The following THBS1 variants were observed in gnomAD, a reference collection of about 807,000 sequenced individuals.
The protein encoded by THBS1 is thrombospondin-1.
A neutral mutation model predicts 126.1 loss-of-function variants in THBS1; 29 were observed. That is an observed-to-expected ratio of 0.23 (90% confidence interval 0.17 to 0.31). THBS1 has a LOEUF of 0.31. Ranked by LOEUF, THBS1 falls within the 10% of genes least tolerant of loss-of-function variation. The probability of loss-of-function intolerance (pLI) is 1.00; values close to 1 mark genes in which losing one functional copy is unlikely to be tolerated. For synonymous variants in THBS1, 496 were observed against 577.8 expected (o/e 0.86, Z 2.03); for missense variants, 1,198 against 1,545.2 (o/e 0.78, Z 3.77).
In THBS1 at chr15:39,588,661, C is replaced by T. The variant is rs1336374196; in HGVS notation, c.1607C>T (p.Thr536Ile). 1 of 1,601,550 alleles carries T rather than the reference C, an allele frequency of 6.2e-7. No individual in the cohort carries two copies. The highest frequency in any genetic ancestry group is 8.5e-7 in the Non-Finnish European group (1 of 1,175,232). The change falls in exon 10 of 22, where the codon ACA becomes ATA. Residue 536 changes from threonine (T) to isoleucine (I), a missense_variant. Around this residue, in one of 4 missense-constraint regions of THBS1, gnomAD observed 663 missense variants for 860.1 expected, o/e 0.77. Transcript: ENST00000260356. Reference protein sequence around the residue: ...FGGKDCVGDVTENQICNKQDC... With the variant: ...FGGKDCVGDVIENQICNKQDC... ...GGCAAGGACTGCGTTGGTGATGTAA[C>T]AGAAAACCAGATCTGCAACAAGCAG... is the stretch of plus-strand genomic sequence containing the variant.
rs529938445 is a variant in THBS1 at position 39,598,654 on chromosome 15, G to C, written c.*3285G>C. 6.6e-6 allele frequency: 1 copy of C among 152,248 alleles called. No homozygotes were observed. Among genetic ancestry groups the C allele is most frequent in the African/African-American group, 2.4e-5 (1 of 41,546 alleles). The allele number at this position is 152,248 out of a possible 1,614,324, so 9.4% of individuals were successfully genotyped here. ...CCTAAGACTGACCTTCAAATAATCA[G>C]GTTGTACTGAAATAAAGGACTTGTT... is the stretch of plus-strand genomic sequence containing the variant. On this transcript the variant is annotated 3_prime_UTR_variant, in exon 22 of 22. Coordinates refer to ENST00000260356, the MANE Select transcript of THBS1 (RefSeq NM_003246.4).
rs1439161063 is a variant in THBS1, at chr15:39,592,595, G to A, written c.2560G>A (p.Asp854Asn). 1.9e-6 allele frequency: 3 copies of A among 1,613,702 alleles called. No homozygotes were observed. Among genetic ancestry groups the A allele is most frequent in the Non-Finnish European group, 2.5e-6 (3 of 1,179,918 alleles). Residue 854 changes from aspartate to asparagine, a missense_variant, in exon 17 of 22, where the codon GAT becomes AAT. Coordinates refer to ENST00000260356, the MANE Select transcript of THBS1 (RefSeq NM_003246.4). The surrounding 1 kb of genome is among the most constrained non-coding windows in gnomAD (Gnocchi z 4.3). ...QLDSDSDRIG[D>N]TCDNNQDIDE... is the part of the protein sequence containing the mutation. The stretch of plus-strand genomic sequence containing the variant: ...GGACTCTGACTCAGACCGCATTGGA[G>A]ATACCTGTGACAACAATCAGGATAT...
intron 15 of THBS1, 67 bp downstream of exon 15, chr15:39,591,417 C>T (rs1890326278): frequency 9.4e-6 from 15 of 1,599,304 alleles, no homozygotes; most frequent in African/African-American, 1.3e-5. Flanking sequence ...AAACGTACTT[C>T]TGTCTAGTCC....
At chr15:39,591,151 A>C in intron 14 of THBS1, 40 bp from the exon 15 acceptor site, 1 of 1,599,506 alleles carries the variant, frequency 6.3e-7, no homozygotes, top group Non-Finnish European at 8.5e-7. Context: ...GCTGTTTTCA[A>C]GGACAACATT....
At chr15:39,583,562 CCCCAT>C in intron 3 of THBS1, 50 bp from the exon 4 acceptor site, 27 of 632,628 alleles carry the variant, frequency 4.3e-5, no homozygotes, top group East Asian at 1.5e-4. Context: ...TCTCCCCCAA[CCCCAT>C]CCCCACCCCG....
In THBS1 at chr15:39,595,578, A is replaced by G; in HGVS notation, c.*209A>G. On this transcript the variant is annotated 3_prime_UTR_variant, in exon 22 of 22. Coordinates refer to ENST00000260356, the MANE Select transcript of THBS1 (RefSeq NM_003246.4). The stretch of plus-strand genomic sequence containing the variant: ...ACTCAGCATTCAGCCTCCAATGAAT[A>G]AGACATCTTCCAAGCATATAAACAA... 1.6e-6 allele frequency: 1 copy of G among 634,542 alleles called. No homozygotes were observed. Among genetic ancestry groups the G allele is most frequent in the South Asian group, 1.8e-5 (1 of 54,758 alleles). 39.3% of individuals were successfully genotyped at this position (634,542 alleles called of 1,614,324 possible).
chr15:39,592,878 T>C lies in THBS1; in HGVS notation c.2767+76T>C. 6.4e-7 allele frequency: 1 copy of C among 1,557,282 alleles called. No homozygotes were observed. The highest frequency in any genetic ancestry group is 8.8e-7 in the Non-Finnish European group (1 of 1,140,330). ...TAGATTGAAGAAATGAAACCAAGGC[T>C]CAAAGCATTTGACAGGATGAAGGGA... On this transcript the variant is annotated intron_variant, in intron 17 of 21. Coordinates refer to ENST00000260356, the MANE Select transcript of THBS1 (RefSeq NM_003246.4). This position sits in a 1 kb window ranked among gnomAD's most constrained non-coding sequence, Gnocchi z 4.3.
chr15:39,581,513 C>G (rs1268038869), intron 1 of THBS1, among the ~76,000 whole-genome samples: 4 of 121,328 alleles, frequency 3.3e-5, no homozygotes, highest in African/African-American at 1.9e-4. Flanking sequence ...AGAGTCTGTA[C>G]TTCCCCTGCC....
chr15:39,581,670 T>A (rs372467292), intron 1 of THBS1, 159 bp from the exon 2 acceptor site: 22 of 416,424 alleles, frequency 5.3e-5, no homozygotes, highest in East Asian at 6.8e-5. Context: ...CTCTCTCTCA[T>A]GCTCTCTGGA....
rs769307961 is a variant in THBS1 at position 39,591,550 on chromosome 15, A to G, written c.2459A>G (p.Asp820Gly). ...RDNCQYVYNV[D>G]QRDTDMDGVG... ...AACTGCCAGTACGTCTACAATGTGG[A>G]CCAGAGAGACACTGATATGGATGGG... The change falls in exon 16 of 22, where the codon GAC becomes GGC. Residue 820 changes from aspartate (D) to glycine (G), a missense_variant. By Grantham distance (94) the Asp-to-Gly change is moderately conservative. Transcript: ENST00000260356. The G allele has an allele frequency of 2.8e-5, 46 of 1,614,064 alleles. No individual in the cohort carries two copies. The highest frequency in any genetic ancestry group is 3.9e-5 in the Non-Finnish European group (46 of 1,180,038).
chr15:39,583,466 C>T, intron 3 of THBS1, 151 bp from the exon 4 acceptor site: 1 of 562,938 alleles, frequency 1.8e-6, no homozygotes, highest in Non-Finnish European at 3.1e-6. Context: ...ATTAATGTTG[C>T]TGTGTTATTT....
Position 39,589,345 on chromosome 15 carries a change from C to T in THBS1, c.1917C>T (p.Ala639=), listed in dbSNP as rs780736236. ...PFGQGVEHAT[A]NKQVCKPRNP... is the part of the protein sequence containing the mutation. ...GCCAGGGTGTCGAACATGCCACGGC[C>T]AACAAACAGGTACAGTCAACTAGAC... The change falls in exon 12 of 22, where the codon GCC becomes GCT. Residue 639 remains alanine, a synonymous_variant. Coordinates refer to ENST00000260356, the MANE Select transcript of THBS1 (RefSeq NM_003246.4). This position sits in a 1 kb window ranked among gnomAD's most constrained non-coding sequence, Gnocchi z 4.7. The T allele has an allele frequency of 1.2e-6, 2 of 1,613,860 alleles. No homozygotes were observed. Among genetic ancestry groups the T allele is most frequent in the Non-Finnish European group, 1.7e-6 (2 of 1,179,992 alleles).
At position 39,595,367 on chromosome 15, in the gene THBS1, T is replaced by C. The variant is rs780720370; in HGVS notation, c.3511T>C (p.Ter1171GlnextTer5). ...SDLKYECRDP[*>Q] Reference sequence around the variant, plus strand: ...TATATTTGTTTATTTAACAGATCCCTAATCATCAAATTGTTGATTGAAAGA... The same window carrying C: ...TATATTTGTTTATTTAACAGATCCCCAATCATCAAATTGTTGATTGAAAGA... Residue 1171 changes from the stop codon to glutamine (Q), a stop_lost, in exon 22 of 22, where the codon TAA becomes CAA. Transcript: ENST00000260356. 2 of 1,488,178 alleles carry C rather than the reference T, an allele frequency of 1.3e-6. No homozygotes were observed. Among genetic ancestry groups the C allele is most frequent in the South Asian group, 1.5e-5 (1 of 68,448 alleles). The allele number at this position is 1,488,178 out of a possible 1,614,324, so 92.2% of individuals were successfully genotyped here. A position where few individuals can be genotyped will look rare whatever the true frequency, so the allele number is the denominator to read the frequency against.
chr15:39,594,168 A>T lies in THBS1; in HGVS notation c.3337A>T (p.Ser1113Cys). ...KDFTAYRWRL[S>C]HRPKTGFIRV... ...TTTCACCGCCTACAGATGGCGTCTC[A>T]GCCACAGGCCAAAGACGGGTTTCAT... The change falls in exon 20 of 22, where the codon AGC becomes TGC. Residue 1113 changes from serine (S) to cysteine (C), a missense_variant. By Grantham distance (112) the Ser-to-Cys change is moderately radical. Around this residue, in one of 4 missense-constraint regions of THBS1, gnomAD observed 255 missense variants for 373.9 expected, o/e 0.68. Transcript: ENST00000260356. The surrounding 1 kb of genome is among the most constrained non-coding windows in gnomAD (Gnocchi z 4.4). The T allele has an allele frequency of 6.2e-7, 1 of 1,614,204 alleles. No individual in the cohort carries two copies. The highest frequency in any genetic ancestry group is 8.5e-7 in the Non-Finnish European group (1 of 1,180,018).
Position 39,597,280 on chromosome 15 carries a change from G to GTTTTTTTTTTTTTTTTTTTTTTTTTTT in THBS1, c.*1932_*1933insTTTTTTTTTTTTTTTTTTTTTTTTTTT. 2 of 48,044 alleles carry GTTTTTTTTTTTTTTTTTTTTTTTTTTT rather than the reference G, an allele frequency of 4.2e-5. No homozygotes were observed. The highest frequency in any genetic ancestry group is 7.9e-5 in the Non-Finnish European group (2 of 25,238). The allele number at this position is 48,044 out of a possible 1,614,324, so 3.0% of individuals were successfully genotyped here. ...GTTGGTTTTTTCTTTTTTTTGTTTT[G>GTTTTTTTTTTTTTTTTTTTTTTTTTTT]TTTTTTTTTTTTTTTTTTTTTGCTT... is the stretch of plus-strand genomic sequence containing the variant. On this transcript the variant is annotated 3_prime_UTR_variant, in exon 22 of 22. Coordinates refer to ENST00000260356, the MANE Select transcript of THBS1 (RefSeq NM_003246.4).
At position 39,593,842 on chromosome 15, in the gene THBS1, G is replaced by A. The variant is rs767215644; in HGVS notation, c.3267+174G>A. ...CATAATAGTGTTGAAAAGGGAGCTT[G>A]ACCAAGAATTGCCCTGCAAATCCTA... On this transcript the variant is annotated intron_variant, in intron 19 of 21. Transcript: ENST00000260356. This position sits in a 1 kb window ranked among gnomAD's most constrained non-coding sequence, Gnocchi z 5.9. The A allele has an allele frequency of 7.8e-5, 86 of 1,107,070 alleles. No homozygotes were observed. The highest frequency in any genetic ancestry group is 1.0e-4 in the Non-Finnish European group (80 of 793,312). The allele number at this position is 1,107,070 out of a possible 1,614,324, so 68.6% of individuals were successfully genotyped here.
chr15:39,590,070 T>C, intron 13 of THBS1, 47 bp downstream of exon 13: 1 of 1,447,324 alleles, frequency 6.9e-7, no homozygotes, highest in Non-Finnish European at 9.3e-7. Flanking sequence ...GCCCATCACC[T>C]TATCAAAACA....
chr15:39,591,540 T>C lies in THBS1; in HGVS notation c.2449T>C (p.Tyr817His). Residue 817 changes from tyrosine to histidine, a missense_variant, in exon 16 of 22, where the codon TAC becomes CAC. This residue lies in a region of THBS1 where 663 missense variants were observed against 860.1 expected (regional missense o/e 0.77). Coordinates refer to ENST00000260356, the MANE Select transcript of THBS1 (RefSeq NM_003246.4). ...LNERDNCQYV[Y>H]NVDQRDTDMD... is the part of the protein sequence containing the mutation. ...TGAACGGGACAACTGCCAGTACGTC[T>C]ACAATGTGGACCAGAGAGACACTGA... 1 of 1,614,224 alleles carries C rather than the reference T, an allele frequency of 6.2e-7. No homozygotes were observed. The highest frequency in any genetic ancestry group is 8.5e-7 in the Non-Finnish European group (1 of 1,180,042).
In THBS1 at chr15:39,589,497, G is replaced by GGTCTAGT; in HGVS notation, c.1926+143_1926+144insGTCTAGT. 3.4e-6 allele frequency: 4 copies of GGTCTAGT among 1,163,352 alleles called. No individual in the cohort carries two copies. The highest frequency in any genetic ancestry group is 4.7e-6 in the Non-Finnish European group (4 of 849,924). The allele number at this position is 1,163,352 out of a possible 1,614,324, so 72.1% of individuals were successfully genotyped here. On this transcript the variant is annotated intron_variant, in intron 12 of 21. Transcript: ENST00000260356. The surrounding 1 kb of genome is among the most constrained non-coding windows in gnomAD (Gnocchi z 4.7). ...GAATGTACGGTCTAGTTTTAGAAACGTGATTAGAAAATCCATGGTAAATCC... is the reference window on the plus strand; with the variant it reads ...GAATGTACGGTCTAGTTTTAGAAACGGTCTAGTTGATTAGAAAATCCATGGTAAATCC...
Sources: gnomAD v4.1 joint callset for allele counts (sites outside exome capture counted in the v4.1 genomes callset) on GRCh38, gnomAD v4.1.1 for gene constraint, gnomAD v4.1.1 regional missense constraint, Gnocchi (gnomAD v3.1) non-coding constraint, MANE v1.5 for transcripts, NCBI Gene and HGNC (gene_info 2026-07-23, HGNC 2026-07-21) for gene names.